The following WASF2 variants were observed in gnomAD, a reference collection of about 807,000 sequenced individuals.
WASF2 encodes the protein WASP family member 2, also known as actin-binding protein WASF2.
WASF2 carries 14 observed loss-of-function variants against 45.0 expected under a neutral mutation model. That is an observed-to-expected ratio of 0.31 (90% CI 0.21 to 0.49). The LOEUF (loss-of-function observed/expected upper bound fraction) is 0.49, where lower values mean the gene tolerates loss of function less well. Ranked by LOEUF, WASF2 falls within the 20% of genes least tolerant of loss-of-function variation. The pLI is 0.99. For missense variants in WASF2, 439 were observed against 636.1 expected, an observed-to-expected ratio of 0.69 and a Z score of 3.33; for synonymous variants, 200 against 236.3, an observed-to-expected ratio of 0.85 and a Z score of 1.41.
intron 1 of WASF2, among the ~76,000 whole-genome samples, chr1:27,472,994 A>G (rs2017712861): frequency 6.6e-6 from 1 of 150,794 alleles, no homozygotes; most frequent in Admixed American, 6.6e-5. Context: ...AAAAAAGGAA[A>G]CAAACAACAA....
At chr1:27,445,979 T>C (rs2017305590) in intron 1 of WASF2, among the ~76,000 whole-genome samples, 1 of 152,062 alleles carries the variant, frequency 6.6e-6, no homozygotes, top group Non-Finnish European at 1.5e-5. Flanking sequence ...CAGTTGTTTT[T>C]CCTATTTAGC....
At chr1:27,432,543 G>A (rs1449369908) in intron 1 of WASF2, among the ~76,000 whole-genome samples, 8 of 150,364 alleles carry the variant, frequency 5.3e-5, no homozygotes, top group South Asian at 2.1e-4. Context: ...AGCTACTCGG[G>A]AGGCTGAGGC....
At position 27,405,217 on chromosome 1, in the gene WASF2, T is replaced by C. The variant is rs1403897701; in HGVS notation, c.*2972A>G. 1 of 152,244 alleles carries C rather than the reference T, an allele frequency of 6.6e-6. No homozygotes were observed. Among genetic ancestry groups the C allele is most frequent in the Non-Finnish European group, 1.5e-5 (1 of 68,082 alleles). 9.4% of individuals were successfully genotyped at this position (152,244 alleles called of 1,614,324 possible). A position where few individuals can be genotyped will look rare whatever the true frequency, so the allele number is the denominator to read the frequency against. On this transcript the variant is annotated 3_prime_UTR_variant, in exon 9 of 9. Coordinates refer to ENST00000618852, the MANE Select transcript of WASF2 (RefSeq NM_006990.5). ...TTTCTGAGGGCGCTCGGGCTTCCAC[T>C]GGAGGCGAGCTGGAGCCTGGGCCAG...
At chr1:27,418,149 T>G in intron 4 of WASF2, 120 bp downstream of exon 4, 1 of 1,153,534 alleles carries the variant, frequency 8.7e-7, no homozygotes, top group Non-Finnish European at 1.2e-6. Flanking sequence ...TACCACAACT[T>G]TGGGGTAGGC....
rs1000815938 is a variant in WASF2, at chr1:27,405,291, T to C, written c.*2898A>G. ...GCTGAGCCTGCCCCCTCCCCCAGGCTGCTCCTTTGGAATGTACCCATCTCA... is the reference window on the plus strand; with the variant it reads ...GCTGAGCCTGCCCCCTCCCCCAGGCCGCTCCTTTGGAATGTACCCATCTCA... On this transcript the variant is annotated 3_prime_UTR_variant, in exon 9 of 9. Transcript: ENST00000618852. 3 of 152,296 alleles carry C rather than the reference T, an allele frequency of 2.0e-5. No individual in the cohort carries two copies. Among genetic ancestry groups the C allele is most frequent in the African/African-American group, 7.2e-5 (3 of 41,472 alleles). The allele number at this position is 152,296 out of a possible 1,614,324, so 9.4% of individuals were successfully genotyped here. A position where few individuals can be genotyped will look rare whatever the true frequency, so the allele number is the denominator to read the frequency against.
chr1:27,444,978 T>A (rs187139878), intron 1 of WASF2, among the ~76,000 whole-genome samples: 204 of 152,346 alleles, frequency 1.3e-3, no homozygotes, highest in African/African-American at 4.7e-3. Flanking sequence ...TGAGGTATGC[T>A]GAACCTCTTT....
intron 1 of WASF2, among the ~76,000 whole-genome samples, chr1:27,487,323 TCTCCCGAC>T (rs1185087163): frequency 7.0e-6 from 1 of 142,918 alleles, no homozygotes; most frequent in African/African-American, 2.6e-5. Flanking sequence ...ATGGTCTCGA[TCTCCCGAC>T]CTCGTGATCC....
chr1:27,418,303 T>C lies in WASF2; in HGVS notation c.385A>G (p.Thr129Ala), dbSNP rs1218283258. 6.2e-7 allele frequency: 1 copy of C among 1,613,906 alleles called. No homozygotes were observed. The highest frequency in any genetic ancestry group is 8.5e-7 in the Non-Finnish European group (1 of 1,179,926). ...GTAAGATTGTTGAGAGGGGGAGGAG[T>C]ATCACAGGTATTGTATGTTTCTAAG... Reference protein sequence around the residue: ...PVLETYNTCDTPPPLNNLTPY... With the variant: ...PVLETYNTCDAPPPLNNLTPY... Residue 129 changes from threonine (T) to alanine (A), a missense_variant, in exon 4 of 9, where the codon ACT (threonine) becomes GCT (alanine). Thr to Ala is a moderately conservative substitution (Grantham distance 58). Transcript: ENST00000618852.
intron 1 of WASF2, among the ~76,000 whole-genome samples, chr1:27,439,414 C>CT (rs2017179273): frequency 6.6e-6 from 1 of 152,152 alleles, no homozygotes; most frequent in African/African-American, 2.4e-5. Context: ...ATATGGTTCT[C>CT]TTAAGCATTA....
Position 27,442,061 on chromosome 1 carries a change from G to A in WASF2, c.-43-13128C>T, listed in dbSNP as rs567086774. On this transcript the variant is annotated intron_variant, in intron 1 of 8. Transcript: ENST00000618852. ...TTTGAGTCTGTGGTGAGCCATGACT[G>A]ATTGCTCCACTGCACTCCAGCCTGG... is the stretch of plus-strand genomic sequence containing the variant. Among the ~76,000 whole-genome samples, 3 of 151,624 alleles carry A rather than the reference G, an allele frequency of 2.0e-5. No individual in the cohort carries two copies. The South Asian group carries it at 6.3e-4, about 32-fold the overall frequency.
At chr1:27,454,617 C>A (rs924605077) in intron 1 of WASF2, among the ~76,000 whole-genome samples, 1 of 152,138 alleles carries the variant, frequency 6.6e-6, no homozygotes, top group Non-Finnish European at 1.5e-5. Flanking sequence ...GGATTACAGG[C>A]ATGAACTACT....
At chr1:27,426,966 C>A (rs1322862001) in intron 2 of WASF2, among the ~76,000 whole-genome samples, 1 of 152,132 alleles carries the variant, frequency 6.6e-6, no homozygotes, top group Non-Finnish European at 1.5e-5. Flanking sequence ...AATGTGGGTT[C>A]CCTTCTCACT....
chr1:27,464,339 T>C (rs2017587040), intron 1 of WASF2, among the ~76,000 whole-genome samples: 2 of 151,784 alleles, frequency 1.3e-5, no homozygotes, highest in Non-Finnish European at 2.9e-5. Context: ...TGAGCCAAGA[T>C]CACACCATTG....
chr1:27,464,830 G>A (rs1178575108), intron 1 of WASF2, among the ~76,000 whole-genome samples: 1 of 152,220 alleles, frequency 6.6e-6, no homozygotes, highest in Non-Finnish European at 1.5e-5. Context: ...CTGGGTTCAA[G>A]CAATTCTCCT....
chr1:27,481,424 C>T (rs1047930406), intron 1 of WASF2, among the ~76,000 whole-genome samples: 11 of 152,076 alleles, frequency 7.2e-5, no homozygotes, highest in African/African-American at 1.7e-4. Context: ...TGGGGCCAGG[C>T]GTGGTGGCTC....
At chr1:27,472,971 CAAAAAAAAA>C (rs59391183) in intron 1 of WASF2, among the ~76,000 whole-genome samples, 1 of 68,326 alleles carries the variant, frequency 1.5e-5, no homozygotes, top group Admixed American at 1.9e-4. Context: ...GACCTTGTCT[CAAAAAAAAA>C]AAAAAAAAAG....
chr1:27,481,405 T>G (rs2017848144), intron 1 of WASF2, among the ~76,000 whole-genome samples: 1 of 146,402 alleles, frequency 6.8e-6, no homozygotes, highest in Non-Finnish European at 1.5e-5. Flanking sequence ...ATTCTCAAAA[T>G]AAGAAACTTG....
chr1:27,425,656 G>A (rs1345579575), intron 2 of WASF2, among the ~76,000 whole-genome samples: 1 of 152,078 alleles, frequency 6.6e-6, no homozygotes, highest in African/African-American at 2.4e-5. Flanking sequence ...GGCTAACACG[G>A]TGAAATCCTG....
intron 1 of WASF2, among the ~76,000 whole-genome samples, chr1:27,485,596 T>C (rs1392550060): frequency 6.6e-6 from 1 of 152,212 alleles, no homozygotes; most frequent in Non-Finnish European, 1.5e-5. Flanking sequence ...GATTTCTGTA[T>C]GACAGAAACA....
Sources: gnomAD v4.1 joint callset for allele counts (sites outside exome capture counted in the v4.1 genomes callset) on GRCh38, gnomAD v4.1.1 for gene constraint, MANE v1.5 for transcripts, NCBI Gene and HGNC (gene_info 2026-07-23, HGNC 2026-07-21) for gene names.